The following RHOT1 variants were observed in gnomAD, a reference collection of about 807,000 sequenced individuals.
RHOT1 encodes the protein mitochondrial Rho GTPase 1.
Under a neutral mutation model 95.3 loss-of-function variants are expected in RHOT1, and 27 were observed. The ratio of observed to expected loss-of-function variants is 0.28; its 90% CI spans 0.21 to 0.39. The LOEUF is 0.39. Ranked by LOEUF, RHOT1 falls within the 10% of genes least tolerant of loss-of-function variation. The probability of loss-of-function intolerance (pLI) is 1.00; values close to 1 mark genes in which losing one functional copy is unlikely to be tolerated. For missense variants in RHOT1, 578 were observed against 786.7 expected (o/e 0.73, Z 3.17); for synonymous variants, 227 against 263.5 (o/e 0.86, Z 1.34).
chr17:32,220,079 A>G (rs1438901282), intron 19 of RHOT1, among the ~76,000 whole-genome samples: 1 of 152,254 alleles, frequency 6.6e-6, no homozygotes, highest in Non-Finnish European at 1.5e-5. Flanking sequence ...TTGTAGCCAC[A>G]AATAAATGGA....
At chr17:32,175,195 C>T in intron 3 of RHOT1, 124 bp from the exon 4 acceptor site, 1 of 785,938 alleles carries the variant, frequency 1.3e-6, no homozygotes, top group African/African-American at 1.7e-5. Context: ...CTGGCTTTCC[C>T]TTGTGTTTGC....
chr17:32,212,443 A>G (rs2038197566), intron 19 of RHOT1, among the ~76,000 whole-genome samples: 1 of 152,224 alleles, frequency 6.6e-6, no homozygotes, highest in African/African-American at 2.4e-5. Flanking sequence ...CTTGTAAAGT[A>G]GTAACATAGA....
rs1234714099 is a variant in RHOT1, at chr17:32,208,184, C to T, written c.1614C>T (p.Tyr538=). ...ACCTGCATGAAGTTAAACAAGAATA[C>T]AGTATTTCACCTACTGATTTCTGCA... The part of the protein sequence containing the change: ...KSDLHEVKQE[Y]SISPTDFCRK... The change falls in exon 18 of 20, where the codon TAC becomes TAT. Residue 538 remains tyrosine, a synonymous_variant. Transcript: ENST00000545287. The T allele has an allele frequency of 9.9e-6, 16 of 1,613,964 alleles. No individual in the cohort carries two copies. Among genetic ancestry groups the T allele is most frequent in the Non-Finnish European group, 1.3e-5 (15 of 1,179,982 alleles).
In RHOT1 at chr17:32,150,821, G is replaced by A. The variant is rs146748999; in HGVS notation, c.37+8092G>A. ...GTAGAGTTCCATGCCCAATTGGAAG[G>A]GTCTAAGAGCTGAGGTGGAAGGGAG... On this transcript the variant is annotated intron_variant, in intron 1 of 19. Coordinates refer to ENST00000545287, the MANE Select transcript of RHOT1 (RefSeq NM_001033566.3). The A allele has an allele frequency of 1.1e-5, 17 of 1,533,428 alleles. No homozygotes were observed. In the African/African-American group the frequency reaches 1.9e-4, roughly 17 times the overall value. The allele number at this position is 1,533,428 out of a possible 1,614,324, so 95.0% of individuals were successfully genotyped here.
At chr17:32,209,404 A>G in intron 18 of RHOT1, 1 of 1,612,104 alleles carries the variant, frequency 6.2e-7, no homozygotes, top group Non-Finnish European at 8.5e-7. Context: ...CTGATAGAAT[A>G]GAGAATTTGA....
chr17:32,206,531 G>A (rs368434301), intron 16 of RHOT1, among the ~76,000 whole-genome samples: 1 of 129,856 alleles, frequency 7.7e-6, no homozygotes, highest in African/African-American at 3.0e-5. Context: ...TGCTCACTGC[G>A]AGCTCCGCCT....
At chr17:32,142,799 G>C in intron 1 of RHOT1, 70 bp downstream of exon 1, 1 of 1,338,538 alleles carries the variant, frequency 7.5e-7, no homozygotes, top group Non-Finnish European at 1.0e-6. Flanking sequence ...TGTCGCCCCT[G>C]TCGCCCCTGC....
At chr17:32,180,832 G>T (rs1357783618) in intron 6 of RHOT1, among the ~76,000 whole-genome samples, 1 of 152,046 alleles carries the variant, frequency 6.6e-6, no homozygotes, top group Non-Finnish European at 1.5e-5. Flanking sequence ...GCAAGTGCGT[G>T]CCATCACACC....
intron 19 of RHOT1, among the ~76,000 whole-genome samples, chr17:32,220,178 A>T (rs544960020): frequency 4.6e-5 from 7 of 151,950 alleles, no homozygotes; most frequent in African/African-American, 1.4e-4. Context: ...CCTGTGCAAC[A>T]TAGCAAGACC....
chr17:32,213,939 A>G (rs186479724), intron 19 of RHOT1, among the ~76,000 whole-genome samples: 79 of 152,312 alleles, frequency 5.2e-4, no homozygotes, highest in Non-Finnish European at 6.0e-4. Flanking sequence ...GGTCATATCT[A>G]TTTATAAACT....
chr17:32,191,021 T>C (rs1302989950), intron 8 of RHOT1, among the ~76,000 whole-genome samples: 1 of 152,150 alleles, frequency 6.6e-6, no homozygotes, highest in Non-Finnish European at 1.5e-5. Context: ...TCTCGAACTC[T>C]TGATCTCAGG....
rs376605743 is a variant in RHOT1 at position 32,183,885 on chromosome 17, C to A, written c.540+613C>A. ...ATTTTTAGTAGAGACAGGGTTTCAC[C>A]ATATTGCCCAGGCTGATCTCGAACT... On this transcript the variant is annotated intron_variant, in intron 8 of 19. Coordinates refer to ENST00000545287, the MANE Select transcript of RHOT1 (RefSeq NM_001033566.3). Among the ~76,000 whole-genome samples, 80 of 152,232 alleles carry A rather than the reference C, an allele frequency of 5.3e-4. No homozygotes were observed. In the East Asian group the frequency reaches 0.012, roughly 24 times the overall value.
chr17:32,181,444 A>T (rs2035626863), intron 6 of RHOT1, among the ~76,000 whole-genome samples: 1 of 152,234 alleles, frequency 6.6e-6, no homozygotes, highest in Admixed American at 6.5e-5. Context: ...TTTCTGTCTT[A>T]TAAAATATAT....
At chr17:32,198,573 G>A (rs896956703) in intron 11 of RHOT1, among the ~76,000 whole-genome samples, 2 of 152,128 alleles carry the variant, frequency 1.3e-5, no homozygotes, top group Admixed American at 6.5e-5. Flanking sequence ...GCCAGGCATG[G>A]TAGTGTGCGC....
At position 32,208,185 on chromosome 17, in the gene RHOT1, A is replaced by G. The variant is rs139664057; in HGVS notation, c.1615A>G (p.Ser539Gly). ...CCTGCATGAAGTTAAACAAGAATAC[A>G]GTATTTCACCTACTGATTTCTGCAG... ...SDLHEVKQEY[S>G]ISPTDFCRKH... The change falls in exon 18 of 20, where the codon AGT becomes GGT. Residue 539 changes from serine (S) to glycine (G), a missense_variant. By Grantham distance (56) the Ser-to-Gly change is moderately conservative. This residue lies in a region of RHOT1 where 296 missense variants were observed against 338.5 expected (regional missense o/e 0.87). Coordinates refer to ENST00000545287, the MANE Select transcript of RHOT1 (RefSeq NM_001033566.3). 1,091 of 1,614,162 alleles carry G rather than the reference A, an allele frequency of 6.8e-4. No homozygotes were observed. Among genetic ancestry groups the G allele is most frequent in the Non-Finnish European group, 8.5e-4 (1,006 of 1,179,976 alleles).
Position 32,175,949 on chromosome 17 carries a change from A to G in RHOT1, c.223-13A>G. 1 of 1,518,492 alleles carries G rather than the reference A, an allele frequency of 6.6e-7. No individual in the cohort carries two copies. The highest frequency in any genetic ancestry group is 1.3e-5 in the South Asian group (1 of 77,006). 94.1% of individuals were successfully genotyped at this position (1,518,492 alleles called of 1,614,324 possible). The stretch of plus-strand genomic sequence containing the variant: ...ATTTTTAGATACGATTAATTTGTTA[A>G]TTTTTCTTCTAGGCTAATGTCATCT... On this transcript the variant is annotated splice_polypyrimidine_tract_variant and intron_variant, in intron 4 of 19. Coordinates refer to ENST00000545287, the MANE Select transcript of RHOT1 (RefSeq NM_001033566.3).
Position 32,170,013 on chromosome 17 carries a change from CA to C in RHOT1, c.38-1019del, listed in dbSNP as rs796665468. On this transcript the variant is annotated intron_variant, in intron 1 of 19. Transcript: ENST00000545287. Reference sequence around the variant, plus strand: ...GGGCAATCAGAGTGGGACCCTGAATCAAAAAAAAAAAGTTAAAACTTGGAAA... The same window carrying C: ...GGGCAATCAGAGTGGGACCCTGAATCAAAAAAAAAAGTTAAAACTTGGAAA... 8.6e-3 allele frequency among the ~76,000 whole-genome samples: 1,226 copies of C among 141,874 alleles called. 12 individuals carry two copies. Among genetic ancestry groups the C allele is most frequent in the African/African-American group, 0.029 (1,110 of 38,850 alleles). The allele number at this position is 141,874 out of a possible 152,430, so 93.1% of individuals were successfully genotyped here. A position where few individuals can be genotyped will look rare whatever the true frequency, so the allele number is the denominator to read the frequency against.
chr17:32,224,036 G>T (rs930287400), intron 19 of RHOT1, among the ~76,000 whole-genome samples: 1 of 152,102 alleles, frequency 6.6e-6, no homozygotes, highest in African/African-American at 2.4e-5. Context: ...TCTTTAATTA[G>T]CAGTAACCAA....
intron 8 of RHOT1, among the ~76,000 whole-genome samples, chr17:32,189,736 C>CTTTTTTTTTTTTTTTT (rs71362807): frequency 4.8e-5 from 6 of 124,384 alleles, no homozygotes; most frequent in Non-Finnish European, 8.3e-5. Flanking sequence ...CTTTTCTTTT[C>CTTTTTTTTTTTTTTTT]TTTTTTTTTT....
Sources: gnomAD v4.1 joint callset for allele counts (sites outside exome capture counted in the v4.1 genomes callset) on GRCh38, gnomAD v4.1.1 for gene constraint, gnomAD v4.1.1 regional missense constraint, MANE v1.5 for transcripts, NCBI Gene and HGNC (gene_info 2026-07-23, HGNC 2026-07-21) for gene names.